The following PJVK variants were observed in gnomAD, a reference collection of about 807,000 sequenced individuals.
PJVK encodes the protein autosomal recessive deafness type 59 protein.
Under a neutral mutation model 37.6 loss-of-function variants are expected in PJVK, and 33 were observed. That is an observed-to-expected ratio of 0.88 (90% CI 0.67 to 1.17). The LOEUF (loss-of-function observed/expected upper bound fraction) is 1.17, where lower values mean the gene tolerates loss of function less well. Among genes scored for constraint, PJVK ranks in the 50% most tolerant of loss-of-function variants. The pLI is 0.00. For missense variants in PJVK, 410 were observed against 413.8 expected (o/e 0.99, Z 0.08); for synonymous variants, 141 against 143.5 (o/e 0.98, Z 0.13).
At position 178,453,554 on chromosome 2, in the gene PJVK, T is replaced by C. The variant is rs768488521; in HGVS notation, c.145T>C (p.Tyr49His). The change falls in exon 2 of 7, where the codon TAT becomes CAT. Residue 49 changes from tyrosine (Y) to histidine (H), a missense_variant. Tyr to His is a moderately conservative substitution (Grantham distance 83). Coordinates refer to ENST00000644580, the MANE Select transcript of PJVK (RefSeq NM_001042702.5). Reference protein sequence around the residue: ...KKKRCFLFPRYKFTSTPFTLK... With the variant: ...KKKRCFLFPRHKFTSTPFTLK... ...GAAGCGATGCTTTCTGTTTCCTAGA[T>C]ATAAATTTACTTCAACACCTTTTAC... is the stretch of plus-strand genomic sequence containing the variant. The C allele has an allele frequency of 4.3e-6, 7 of 1,614,122 alleles. No homozygotes were observed. In the South Asian group the frequency reaches 5.5e-5, roughly 13 times the overall value.
At chr2:178,458,086 A>C (rs1684245273) in intron 4 of PJVK, among the ~76,000 whole-genome samples, 1 of 152,216 alleles carries the variant, frequency 6.6e-6, no homozygotes, top group Admixed American at 6.5e-5. Context: ...TTGAGGCACA[A>C]ACTGAAACAT....
At chr2:178,451,952 A>G in intron 1 of PJVK, 183 bp downstream of exon 1, 2 of 627,906 alleles carry the variant, frequency 3.2e-6, no homozygotes, top group Non-Finnish European at 4.0e-6. Context: ...ACTCGGTGTT[A>G]TGGAAGATTG....
intron 5 of PJVK, chr2:178,459,384 A>G: frequency 3.0e-6 from 1 of 332,000 alleles, no homozygotes. Context: ...TTGTCTTTTT[A>G]AAAAATATTT....
rs969251077 is a variant in PJVK at position 178,451,707 on chromosome 2, GCTCCTCT to G, written c.-83_-77del. The G allele has an allele frequency of 4.3e-6, 4 of 933,576 alleles. No homozygotes were observed. Among genetic ancestry groups the G allele is most frequent in the Admixed American group, 6.2e-5 (1 of 16,212 alleles). 57.8% of individuals were successfully genotyped at this position (933,576 alleles called of 1,614,324 possible). ...AACACGCGGGGACGTCCAAACACCC[GCTCCTCT>G]CCCGCCGGGCGGGCTCCTTTGTCTT... On this transcript the variant is annotated 5_prime_UTR_variant, in exon 1 of 7. Coordinates refer to ENST00000644580, the MANE Select transcript of PJVK (RefSeq NM_001042702.5).
At chr2:178,453,271 T>C (rs1575111566) in intron 1 of PJVK, 117 bp from the exon 2 acceptor site, 3 of 862,446 alleles carry the variant, frequency 3.5e-6, no homozygotes, top group East Asian at 5.4e-5. Flanking sequence ...AGTGGTAAAC[T>C]ACTTGGTGAA....
At chr2:178,453,673 C>G in intron 2 of PJVK, 53 bp downstream of exon 2, 1 of 1,455,800 alleles carries the variant, frequency 6.9e-7, no homozygotes, top group Non-Finnish European at 9.5e-7. Context: ...TATTGGCAAC[C>G]TAAACATAGG....
Position 178,453,635 on chromosome 2 carries a change from T to C in PJVK, c.211+15T>C. 1 of 1,599,050 alleles carries C rather than the reference T, an allele frequency of 6.3e-7. No homozygotes were observed. On this transcript the variant is annotated intron_variant, in intron 2 of 6. Transcript: ENST00000644580. ...AATTTCAGCTGGTAAGTTTAAATGT[T>C]TGGGAGTGCCAACTCATTCATCTGT... is the stretch of plus-strand genomic sequence containing the variant.
rs1458618844 is a variant in PJVK, at chr2:178,461,030, A to C, written c.815A>C (p.Asp272Ala). The change falls in exon 7 of 7, where the codon GAT becomes GCT. Residue 272 changes from aspartate (D) to alanine (A), a missense_variant. By Grantham distance (126) the Asp-to-Ala change is moderately radical. Coordinates refer to ENST00000644580, the MANE Select transcript of PJVK (RefSeq NM_001042702.5). ...VISRSQLYLDDLFSDYYDKPL... is the reference protein window; with the variant it reads ...VISRSQLYLDALFSDYYDKPL... ...TCTCGTTCACAGCTTTACTTGGATGATCTTTTTTCTGACTACTATGACAAA... is the reference window on the plus strand; with the variant it reads ...TCTCGTTCACAGCTTTACTTGGATGCTCTTTTTTCTGACTACTATGACAAA... 1 of 1,614,074 alleles carries C rather than the reference A, an allele frequency of 6.2e-7. No homozygotes were observed. The highest frequency in any genetic ancestry group is 1.7e-5 in the Admixed American group (1 of 60,010).
In PJVK at chr2:178,461,342, C is replaced by T. The variant is rs1343875960; in HGVS notation, c.*68C>T. On this transcript the variant is annotated 3_prime_UTR_variant, in exon 7 of 7. Transcript: ENST00000644580. ...GTGCCACAAACCTTCCCTAAATTAT[C>T]TAGGTTTGCTTTGATGAATTAAATT... 8.3e-6 allele frequency: 13 copies of T among 1,567,178 alleles called. No homozygotes were observed. In the East Asian group the frequency reaches 2.9e-4, roughly 35 times the overall value.
chr2:178,454,588 T>A (rs1697934428), intron 3 of PJVK, 61 bp downstream of exon 3: 1 of 1,534,360 alleles, frequency 6.5e-7, no homozygotes, highest in Non-Finnish European at 8.9e-7. Context: ...GTATATAAAC[T>A]TCATTACAAA....
chr2:178,456,270 A>T, intron 4 of PJVK, 119 bp downstream of exon 4: 8 of 1,327,008 alleles, frequency 6.0e-6, no homozygotes, highest in Non-Finnish European at 7.4e-6. Flanking sequence ...AAAGAGCTGC[A>T]GTTGTATAGG....
In PJVK at chr2:178,451,399, C is replaced by T. The variant is rs954776382; in HGVS notation, c.-393C>T. ...CCCTGACCAGCCTGTAGTAACTGGC[C>T]CCTAGGCCGCAGTTCTTTGTCCTTA... On this transcript the variant is annotated 5_prime_UTR_variant, in exon 1 of 7. Coordinates refer to ENST00000644580, the MANE Select transcript of PJVK (RefSeq NM_001042702.5). 1.7e-5 allele frequency: 5 copies of T among 293,770 alleles called. No individual in the cohort carries two copies. The highest frequency in any genetic ancestry group is 3.2e-5 in the Non-Finnish European group (5 of 155,710). The allele number at this position is 293,770 out of a possible 1,614,324, so 18.2% of individuals were successfully genotyped here.
chr2:178,456,038 C>T lies in PJVK; in HGVS notation c.436C>T (p.Arg146Cys), dbSNP rs547306426. Residue 146 changes from arginine (R) to cysteine (C), a missense_variant, in exon 4 of 7, where the codon CGT (arginine) becomes TGT (cysteine). Arg to Cys is a radical substitution (Grantham distance 180). Coordinates refer to ENST00000644580, the MANE Select transcript of PJVK (RefSeq NM_001042702.5). Reference protein sequence around the residue: ...RKINFDHSLIRQSRSSRKAVL... With the variant: ...RKINFDHSLICQSRSSRKAVL... Reference sequence around the variant, plus strand: ...AATTAACTTTGACCACAGCTTGATACGTCAGTCAAGGAGCAGCAGAAAGGC... The same window carrying T: ...AATTAACTTTGACCACAGCTTGATATGTCAGTCAAGGAGCAGCAGAAAGGC... The T allele has an allele frequency of 1.3e-5, 21 of 1,613,968 alleles. No individual in the cohort carries two copies. The highest frequency in any genetic ancestry group is 3.3e-5 in the South Asian group (3 of 91,076).
chr2:178,457,944 A>G (rs546871815), intron 4 of PJVK, among the ~76,000 whole-genome samples: 1 of 152,364 alleles, frequency 6.6e-6, no homozygotes, highest in Admixed American at 6.5e-5. Context: ...GACACCTAAT[A>G]ATGACTTGAT....
Position 178,451,835 on chromosome 2 carries a change from G to C in PJVK, c.-23+66G>C, listed in dbSNP as rs796974691. 9.0e-5 allele frequency: 89 copies of C among 985,508 alleles called. No individual in the cohort carries two copies. The African/African-American group carries it at 1.5e-3, about 16-fold the overall frequency. The allele number at this position is 985,508 out of a possible 1,614,324, so 61.0% of individuals were successfully genotyped here. On this transcript the variant is annotated intron_variant, in intron 1 of 6. Coordinates refer to ENST00000644580, the MANE Select transcript of PJVK (RefSeq NM_001042702.5). ...GCCTTTCCGGGGACCTGGGTAGTCG[G>C]TTGTAATGGCGTTTGCCTGGGATGC...
chr2:178,453,717 T>G (rs1697860616), intron 2 of PJVK, 97 bp downstream of exon 2: 2 of 1,056,490 alleles, frequency 1.9e-6, no homozygotes, highest in Non-Finnish European at 2.8e-6. Flanking sequence ...AATACACATT[T>G]TCAATGATTA....
In PJVK at chr2:178,461,902, T is replaced by C. The variant is rs145845235; in HGVS notation, c.*628T>C. Among the ~76,000 whole-genome samples, 1 of 152,148 alleles carries C rather than the reference T, an allele frequency of 6.6e-6. No individual in the cohort carries two copies. ...CTGGCCTAGATAACTTTTTATATAA[T>C]TAAGAGATTTTTGTAAATACCAATT... is the stretch of plus-strand genomic sequence containing the variant. On this transcript the variant is annotated 3_prime_UTR_variant, in exon 7 of 7. Coordinates refer to ENST00000644580, the MANE Select transcript of PJVK (RefSeq NM_001042702.5).
intron 2 of PJVK, 85 bp downstream of exon 2, chr2:178,453,705 G>A: frequency 1.8e-6 from 2 of 1,121,580 alleles, no homozygotes; most frequent in East Asian, 2.6e-5. Flanking sequence ...ACTTATGTTA[G>A]TAATACACAT....
At position 178,451,878 on chromosome 2, in the gene PJVK, A is replaced by G. The variant is rs141351246; in HGVS notation, c.-23+109A>G. 2.1e-3 allele frequency: 2,088 copies of G among 983,204 alleles called. 39 individuals carry two copies. In the African/African-American group the frequency reaches 0.034, roughly 16 times the overall value. 60.9% of individuals were successfully genotyped at this position (983,204 alleles called of 1,614,324 possible). ...TGGGATGCAGCACCTTTGGTGGGCC[A>G]TTAGATGACGTGTCGCTTCTCCAGG... On this transcript the variant is annotated intron_variant, in intron 1 of 6. Transcript: ENST00000644580.
Sources: gnomAD v4.1 joint callset for allele counts (sites outside exome capture counted in the v4.1 genomes callset) on GRCh38, gnomAD v4.1.1 for gene constraint, MANE v1.5 for transcripts, NCBI Gene and HGNC (gene_info 2026-07-23, HGNC 2026-07-21) for gene names.